Variants in TTN observed in about 807,000 individuals in gnomAD.
TTN encodes the protein titin.
A neutral mutation model predicts 3,223.0 loss-of-function variants in TTN; 1,525 were observed. That is an observed-to-expected ratio of 0.47 (90% confidence interval 0.45 to 0.49). The LOEUF (loss-of-function observed/expected upper bound fraction) is 0.49, where lower values mean the gene tolerates loss of function less well. Among genes scored for constraint, TTN ranks in the 20% least tolerant of loss-of-function variants. The pLI, the probability that TTN is intolerant of heterozygous loss-of-function variation, is 0.00. For synonymous variants in TTN, 14,094 were observed against 15,161.0 expected (o/e 0.93, Z 5.17); for missense variants, 40,786 against 43,424.0 (o/e 0.94, Z 5.40).
At position 178,611,133 on chromosome 2, in the gene TTN, T is replaced by C. The variant is rs1576414391; in HGVS notation, c.50996A>G (p.Asp16999Gly). 2 of 1,612,858 alleles carry C rather than the reference T, an allele frequency of 1.2e-6. No homozygotes were observed. The highest frequency in any genetic ancestry group is 4.5e-5 in the East Asian group (2 of 44,656). The change falls in exon 270 of 363, where the codon GAT becomes GGT. Residue 16999 changes from aspartate (D) to glycine (G), a missense_variant. Transcript: ENST00000589042. Reference sequence around the variant, plus strand: ...GTGATCATTCTTCATTGTTAATCTATCACTTGCTTTAACTTCTTTGCCATC... The same window carrying C: ...GTGATCATTCTTCATTGTTAATCTACCACTTGCTTTAACTTCTTTGCCATC... ...HKDGKEVKASDRLTMKNDHIS... is the reference protein window; with the variant it reads ...HKDGKEVKASGRLTMKNDHIS...
chr2:178,719,662 C>G lies in TTN; in HGVS notation c.23830G>C (p.Ala7944Pro). 1 of 1,613,688 alleles carries G rather than the reference C, an allele frequency of 6.2e-7. No individual in the cohort carries two copies. Among genetic ancestry groups the G allele is most frequent in the South Asian group, 1.1e-5 (1 of 91,074 alleles). ...KHHITFINKV[A>P]SLKIPCAEMS... ...TCGGCACAGGGGATTTTAAGGGAAG[C>G]CACTTTATTGATGAATGTAATGTGA... is the stretch of plus-strand genomic sequence containing the variant. The change falls in exon 82 of 363, where the codon GCT becomes CCT. Residue 7944 changes from alanine to proline, a missense_variant. Transcript: ENST00000589042.
In TTN at chr2:178,552,982, C is replaced by T. The variant is rs1183482452; in HGVS notation, c.89918G>A (p.Arg29973Lys). 3 of 1,612,234 alleles carry T rather than the reference C, an allele frequency of 1.9e-6. No homozygotes were observed. Among genetic ancestry groups the T allele is most frequent in the South Asian group, 1.1e-5 (1 of 91,080 alleles). ...SPIINYVIEKRDATKRTWSVV... is the reference protein window; with the variant it reads ...SPIINYVIEKKDATKRTWSVV... Reference sequence around the variant, plus strand: ...AGACCATGTTCTCTTGGTGGCATCTCTCTTTTCAATGACATAATTAATTAT... The same window carrying T: ...AGACCATGTTCTCTTGGTGGCATCTTTCTTTTCAATGACATAATTAATTAT... Residue 29973 changes from arginine to lysine, a missense_variant, in exon 335 of 363, where the codon AGA (arginine) becomes AAA (lysine). Physicochemically the swap from Arg to Lys is conservative, Grantham distance 26. Coordinates refer to ENST00000589042, the MANE Select transcript of TTN (RefSeq NM_001267550.2).
Position 178,545,402 on chromosome 2 carries a change from C to A in TTN, c.95708G>T (p.Cys31903Phe), listed in dbSNP as rs1417379558. ...TTGGAGCTCACATGATGGTTCTCTG[C>A]ATGAGATGAAGTTGGAAGCTTCGCT... is the stretch of plus-strand genomic sequence containing the variant. ...EPSEASNFIS[C>F]REPSYTPGPP... Residue 31903 changes from cysteine (C) to phenylalanine (F), a missense_variant, in exon 344 of 363, where the codon TGC (cysteine) becomes TTC (phenylalanine). Transcript: ENST00000589042. The A allele has an allele frequency of 1.3e-6, 2 of 1,578,052 alleles. No individual in the cohort carries two copies. Among genetic ancestry groups the A allele is most frequent in the Non-Finnish European group, 1.7e-6 (2 of 1,158,592 alleles).
At position 178,723,228 on chromosome 2, in the gene TTN, G is replaced by T. The variant is rs187925021; in HGVS notation, c.21779C>A (p.Ser7260Tyr). Residue 7260 changes from serine to tyrosine, a missense_variant, in exon 75 of 363, where the codon TCT becomes TAT. Ser to Tyr is a moderately radical substitution (Grantham distance 144, BLOSUM62 -2). Coordinates refer to ENST00000589042, the MANE Select transcript of TTN (RefSeq NM_001267550.2). ...AAAACCATCCTTTTTCCAAGTGACA[G>T]AAATTGGAAGTGTTCCAGTGTAGGT... The part of the protein sequence containing the change: ...ESTYTGTLPI[S>Y]VTWKKDGFNI... 3,204 of 1,613,574 alleles carry T rather than the reference G, an allele frequency of 2.0e-3. 62 individuals are homozygous for T. The South Asian group carries it at 0.027, about 14-fold the overall frequency.
In TTN at chr2:178,594,074, G is replaced by A. The variant is rs781642072; in HGVS notation, c.58319C>T (p.Ala19440Val). ...DDRTHIKTTP[A>V]TLALEKIKAK... ...CTTGATCTTCTCTAAAGCAAGTGTT[G>A]CTGGTGTAGTCTTTATATGAGTGCG... Residue 19440 changes from alanine (A) to valine (V), a missense_variant, in exon 297 of 363, where the codon GCA (alanine) becomes GTA (valine). Transcript: ENST00000589042. The A allele has an allele frequency of 6.2e-7, 1 of 1,613,444 alleles. No homozygotes were observed. Among genetic ancestry groups the A allele is most frequent in the Non-Finnish European group, 8.5e-7 (1 of 1,179,638 alleles).
rs1251584453 is a variant in TTN, at chr2:178,572,144, C to T, written c.73988G>A (p.Trp24663Ter). 1.2e-6 allele frequency: 2 copies of T among 1,613,386 alleles called. No individual in the cohort carries two copies. Among genetic ancestry groups the T allele is most frequent in the Non-Finnish European group, 1.7e-6 (2 of 1,179,616 alleles). The change falls in exon 326 of 363, where the codon TGG becomes TAG. Residue 24663 changes from tryptophan (W) to a stop codon, truncating the protein, a stop_gained. Transcript: ENST00000589042. LOFTEE classifies it high-confidence loss of function. ...VEMQTKGSDK[W>*]ATCATVKVTE... ...GACCTTGACTGTGGCACACGTGGCC[C>T]ATTTGTCACTGCCTTTGGTCTGCAT...
At position 178,571,269 on chromosome 2, in the gene TTN, A is replaced by G. The variant is rs1484464559; in HGVS notation, c.74863T>C (p.Trp24955Arg). 6.2e-7 allele frequency: 1 copy of G among 1,613,448 alleles called. No homozygotes were observed. Among genetic ancestry groups the G allele is most frequent in the South Asian group, 1.1e-5 (1 of 91,070 alleles). ...ATAGGTGTTTTATTCAACTTAACCC[A>G]GAGGATGCTATTTCTTTCCTTGCGT... ...LERKERNSIL[W>R]VKLNKTPIPQ... Residue 24955 changes from tryptophan to arginine, a missense_variant, in exon 326 of 363, where the codon TGG becomes CGG. Coordinates refer to ENST00000589042, the MANE Select transcript of TTN (RefSeq NM_001267550.2).
Position 178,636,898 on chromosome 2 carries a change from T to C in TTN, c.40928-99A>G. ...TGGATAAAACCAGCCGTAAAGCAAT[T>C]AGAAGACGAGAAAACTAAAGACCAG... is the stretch of plus-strand genomic sequence containing the variant. On this transcript the variant is annotated intron_variant, in intron 224 of 362. Coordinates refer to ENST00000589042, the MANE Select transcript of TTN (RefSeq NM_001267550.2). This position sits in a 1 kb window ranked among gnomAD's most constrained non-coding sequence, Gnocchi z 4.3. The C allele has an allele frequency of 7.4e-7, 1 of 1,353,542 alleles. No homozygotes were observed. The highest frequency in any genetic ancestry group is 1.5e-5 in the African/African-American group (1 of 68,818). The allele number at this position is 1,353,542 out of a possible 1,614,324, so 83.8% of individuals were successfully genotyped here. A position where few individuals can be genotyped will look rare whatever the true frequency, so the allele number is the denominator to read the frequency against.
intron 36 of TTN, 34 bp from the exon 37 acceptor site, chr2:178,769,973 A>C (rs750028534): frequency 1.2e-6 from 2 of 1,614,122 alleles, no homozygotes; most frequent in East Asian, 4.5e-5. Context: ...CAGTTAATAC[A>C]ATTTGTTTAA....
At position 178,560,816 on chromosome 2, in the gene TTN, C is replaced by T. The variant is rs764437671; in HGVS notation, c.85316G>A (p.Arg28439Gln). Residue 28439 changes from arginine (R) to glutamine (Q), a missense_variant, in exon 326 of 363, where the codon CGG becomes CAG. Physicochemically the swap from Arg to Gln is conservative, Grantham distance 43. Transcript: ENST00000589042. ...TACTTTGCAATTAACGGCCACAGAC[C>T]GAGTGCCGGCAACATTCTTCAGTGT... Reference protein sequence around the residue: ...VLTLKNVAGTRSVAVNCKVLD... With the variant: ...VLTLKNVAGTQSVAVNCKVLD... 2.6e-5 allele frequency: 42 copies of T among 1,613,624 alleles called. No individual in the cohort carries two copies. The highest frequency in any genetic ancestry group is 1.1e-4 in the East Asian group (5 of 44,762).
In TTN at chr2:178,792,250, A is replaced by C. The variant is rs72647853; in HGVS notation, c.1537-53T>G. 9.4e-3 allele frequency: 14,565 copies of C among 1,546,836 alleles called. 84 individuals carry two copies. The highest frequency in any genetic ancestry group is 0.015 in the South Asian group (1,222 of 83,532). On this transcript the variant is annotated intron_variant, in intron 9 of 362. Coordinates refer to ENST00000589042, the MANE Select transcript of TTN (RefSeq NM_001267550.2). The stretch of plus-strand genomic sequence containing the variant: ...TTATTTCCTGATGCCCAATGAAATA[A>C]TATGGTGTTTATTAAATATAACAAC...
Position 178,740,557 on chromosome 2 carries a change from GA to G in TTN, c.12675del (p.Leu4226Ter), listed in dbSNP as rs1251061138. 6.2e-7 allele frequency: 1 copy of G among 1,613,726 alleles called. No homozygotes were observed. The highest frequency in any genetic ancestry group is 8.5e-7 in the Non-Finnish European group (1 of 1,179,832). On this transcript the variant is annotated frameshift_variant, in exon 48 of 363. Transcript: ENST00000589042. LOFTEE classifies it high-confidence loss of function. ...AGTACTTCCTCAGCCACAGAGGTTA[GA>G]TAAGAATGCATTGGAGGTTCTATTG... Reference protein sequence around the residue: ...QSSIEPPMHSYLTSVAEEVLS... With the variant: ...QSSIEPPMHSXLTSVAEEVLS...
Position 178,584,070 on chromosome 2 carries a change from A to G in TTN, c.65276-164T>C, listed in dbSNP as rs2048370741. ...GTATGCACTTTTGAGTCCTTGCTGTATGCTTTAAAGGAAATTATATGTCCT... is the reference window on the plus strand; with the variant it reads ...GTATGCACTTTTGAGTCCTTGCTGTGTGCTTTAAAGGAAATTATATGTCCT... On this transcript the variant is annotated intron_variant, in intron 311 of 362. Coordinates refer to ENST00000589042, the MANE Select transcript of TTN (RefSeq NM_001267550.2). The G allele has an allele frequency of 3.8e-6, 4 of 1,055,152 alleles. No individual in the cohort carries two copies. The South Asian group carries it at 7.7e-5, about 20-fold the overall frequency. The allele number at this position is 1,055,152 out of a possible 1,614,324, so 65.4% of individuals were successfully genotyped here.
chr2:178,619,637 A>G lies in TTN; in HGVS notation c.46680T>C (p.Ala15560=), dbSNP rs1343781270. 4.3e-6 allele frequency: 7 copies of G among 1,611,726 alleles called. No homozygotes were observed. The Admixed American group carries it at 1.2e-4, about 27-fold the overall frequency. Residue 15560 remains alanine, a synonymous_variant, in exon 250 of 363, where the codon GCT becomes GCC. Coordinates refer to ENST00000589042, the MANE Select transcript of TTN (RefSeq NM_001267550.2). ...RFIAKDKEAR[A]KLELAAAPKI... is the part of the protein sequence containing the mutation. ...GGGACTGACCTGCCAGTTCAAGCTT[A>G]GCTCTGGCTTCTTTGTCTTTGGCAA...
chr2:178,787,424 TC>T (rs1404364307), intron 13 of TTN, among the ~76,000 whole-genome samples: 1 of 152,152 alleles, frequency 6.6e-6, no homozygotes, highest in Non-Finnish European at 1.5e-5. Flanking sequence ...TTTATTTTTT[TC>T]TTTTTTAAAA....
chr2:178,595,596 G>A lies in TTN; in HGVS notation c.57758C>T (p.Ala19253Val), dbSNP rs1310871071. The change falls in exon 295 of 363, where the codon GCC becomes GTC. Residue 19253 changes from alanine (A) to valine (V), a missense_variant. By Grantham distance (64) the Ala-to-Val change is moderately conservative. Transcript: ENST00000589042. ...TTCAGCCGCAATTCGGAAAAAGTAG[G>A]CTTTTCCTTGAATGAGACCCTGGAC... ...ATVQGLIQGK[A>V]YFFRIAAENS... 1 of 1,586,856 alleles carries A rather than the reference G, an allele frequency of 6.3e-7. No individual in the cohort carries two copies. The highest frequency in any genetic ancestry group is 8.6e-7 in the Non-Finnish European group (1 of 1,165,192).
At chr2:178,805,603 GCTTT>G (rs1221483316) in intron 1 of TTN, among the ~76,000 whole-genome samples, 2 of 152,088 alleles carry the variant, frequency 1.3e-5, no homozygotes, top group South Asian at 2.1e-4. Context: ...GGCATACGGT[GCTTT>G]CTATTTCTTA....
intron 278 of TTN, 88 bp from the exon 279 acceptor site, chr2:178,605,801 A>G: frequency 2.5e-6 from 3 of 1,181,732 alleles, no homozygotes; most frequent in Non-Finnish European, 2.2e-6. Flanking sequence ...TTATGTAAAA[A>G]ATAGCCTTCT....
At position 178,692,525 on chromosome 2, in the gene TTN, A is replaced by T; in HGVS notation, c.31650T>A (p.Pro10550=). 6.3e-7 allele frequency: 1 copy of T among 1,587,756 alleles called. No homozygotes were observed. Among genetic ancestry groups the T allele is most frequent in the Non-Finnish European group, 8.6e-7 (1 of 1,165,882 alleles). ...TTGGTGCTGGGGGCTCCACTTTTTT[A>T]GGGATAGGAACAGGGGCCACTTCTT... ...APEEVAPVPI[P]KKVEPPAPKV... is the part of the protein sequence containing the mutation. Residue 10550 remains proline, a synonymous_variant, in exon 120 of 363, where the codon CCT becomes CCA. Transcript: ENST00000589042.
Sources: gnomAD v4.1 joint callset for allele counts (sites outside exome capture counted in the v4.1 genomes callset) on GRCh38, gnomAD v4.1.1 for gene constraint, Gnocchi (gnomAD v3.1) non-coding constraint, MANE v1.5 for transcripts, NCBI Gene and HGNC (gene_info 2026-07-23, HGNC 2026-07-21) for gene names.